PCP4: variants seen among roughly 807,000 people sequenced by gnomAD.
PCP4 encodes Purkinje cell protein 4.
A neutral mutation model predicts 10.0 loss-of-function variants in PCP4; 8 were observed. That is an observed-to-expected ratio of 0.80 (90% confidence interval 0.47 to 1.45). The LOEUF is 1.45. Ranked by LOEUF, PCP4 falls within the 40% of genes most tolerant of loss-of-function variation. The pLI, the probability that PCP4 is intolerant of heterozygous loss-of-function variation, is 0.00. For missense variants in PCP4, 54 were observed against 74.4 expected, an observed-to-expected ratio of 0.73 and a Z score of 1.01; for synonymous variants, 21 against 23.0, an observed-to-expected ratio of 0.91 and a Z score of 0.24.
At chr21:39,926,145 G>A (rs1448274742) in intron 2 of PCP4, 1 of 449,304 alleles carries the variant, frequency 2.2e-6, no homozygotes, top group Non-Finnish European at 4.5e-6. Context: ...CGCCGCCCCG[G>A]GAACTGGACT....
At chr21:39,899,185 A>G (rs527935910) in intron 2 of PCP4, among the ~76,000 whole-genome samples, 3 of 152,196 alleles carry the variant, frequency 2.0e-5, no homozygotes, top group African/African-American at 7.2e-5. Flanking sequence ...TGAAGGAAAT[A>G]GAGCCAGTTG....
intron 1 of PCP4, among the ~76,000 whole-genome samples, chr21:39,888,330 G>A (rs2087411000): frequency 1.3e-5 from 2 of 152,204 alleles, no homozygotes; most frequent in Non-Finnish European, 1.5e-5. Context: ...ATTTTAAAGA[G>A]GACTCAGGAA....
chr21:39,916,577 C>G (rs1161630174), intron 2 of PCP4, among the ~76,000 whole-genome samples: 7 of 152,162 alleles, frequency 4.6e-5, no homozygotes, highest in Admixed American at 4.6e-4. Flanking sequence ...GATCTAGAAG[C>G]AGAAATACCA....
chr21:39,921,220 T>C (rs551587417), intron 2 of PCP4, among the ~76,000 whole-genome samples: 2 of 152,308 alleles, frequency 1.3e-5, no homozygotes, highest in South Asian at 4.1e-4. Flanking sequence ...AGAGATGCTT[T>C]TCCCCCAGAG....
chr21:39,896,022 C>G (rs2087455332), intron 1 of PCP4, among the ~76,000 whole-genome samples: 1 of 152,214 alleles, frequency 6.6e-6, no homozygotes, highest in African/African-American at 2.4e-5. Context: ...AAATCACCTT[C>G]ATTGTGTCTC....
intron 2 of PCP4, among the ~76,000 whole-genome samples, chr21:39,925,320 G>C (rs772805253): frequency 3.9e-4 from 59 of 152,194 alleles, no homozygotes; most frequent in Non-Finnish European, 7.6e-4. Flanking sequence ...AAGTTAAATG[G>C]TTACCAAGGA....
At chr21:39,898,572 G>T (rs376912296) in intron 2 of PCP4, 45 bp downstream of exon 2, 607 of 1,476,984 alleles carry the variant, frequency 4.1e-4, no homozygotes, top group Non-Finnish European at 5.3e-4. Context: ...TTTGCCATCT[G>T]CAGCCCTGGG....
chr21:39,909,953 G>A (rs532329413), intron 2 of PCP4, among the ~76,000 whole-genome samples: 264 of 152,012 alleles, frequency 1.7e-3, no homozygotes, highest in African/African-American at 5.4e-3. Flanking sequence ...CCGCCACCAC[G>A]TCTGGCTAAT....
intron 1 of PCP4, among the ~76,000 whole-genome samples, chr21:39,893,296 T>C (rs1423609238): frequency 6.6e-6 from 1 of 152,208 alleles, no homozygotes; most frequent in Non-Finnish European, 1.5e-5. Context: ...TTCAAAAAAT[T>C]GTACCTTTAA....
chr21:39,885,283 T>G (rs923602433), intron 1 of PCP4, among the ~76,000 whole-genome samples: 1 of 152,114 alleles, frequency 6.6e-6, no homozygotes, highest in Non-Finnish European at 1.5e-5. Flanking sequence ...TATTCAACCA[T>G]GTAGTCCCAG....
chr21:39,914,456 C>A lies in PCP4; in HGVS notation c.62-14528C>A, dbSNP rs145028523. 1.0e-2 allele frequency among the ~76,000 whole-genome samples: 1,508 copies of A among 151,294 alleles called. 43 individuals carry two copies. The highest frequency in any genetic ancestry group is 0.035 in the African/African-American group (1,424 of 41,248). ...ATTAGCTGGGTGTGGTGGCGTGTGC[C>A]TATAATCTCAGCTACTCAGGAGGCT... On this transcript the variant is annotated intron_variant, in intron 2 of 2. Transcript: ENST00000328619.
chr21:39,917,021 G>T (rs1388361718), intron 2 of PCP4, among the ~76,000 whole-genome samples: 1 of 152,120 alleles, frequency 6.6e-6, no homozygotes, highest in Non-Finnish European at 1.5e-5. Context: ...CTGTGAAGCA[G>T]ATCACCATGG....
intron 2 of PCP4, among the ~76,000 whole-genome samples, chr21:39,924,220 T>G (rs570089917): frequency 6.6e-6 from 1 of 152,316 alleles, no homozygotes; most frequent in East Asian, 1.9e-4. Flanking sequence ...GGCCACGCCA[T>G]GCCCAGTACA....
At chr21:39,901,912 T>C (rs2087483841) in intron 2 of PCP4, among the ~76,000 whole-genome samples, 1 of 152,168 alleles carries the variant, frequency 6.6e-6, no homozygotes, top group African/African-American at 2.4e-5. Flanking sequence ...CCAAGAAAGA[T>C]GAGGGTAAAA....
intron 1 of PCP4, among the ~76,000 whole-genome samples, chr21:39,881,195 T>G (rs2146328405): frequency 6.6e-6 from 1 of 152,318 alleles, no homozygotes; most frequent in East Asian, 1.9e-4. Flanking sequence ...CTTCTACTGT[T>G]TTCTGAAGCT....
chr21:39,905,426 C>T (rs1011326539), intron 2 of PCP4, among the ~76,000 whole-genome samples: 2 of 152,150 alleles, frequency 1.3e-5, no homozygotes, highest in Admixed American at 1.3e-4. Context: ...GCTTATTAAG[C>T]CGGGCATTTA....
chr21:39,900,075 C>T (rs2087475627), intron 2 of PCP4, among the ~76,000 whole-genome samples: 1 of 152,162 alleles, frequency 6.6e-6, no homozygotes, highest in Non-Finnish European at 1.5e-5. Context: ...ACTCTTGTTG[C>T]CCAGGCTGGA....
At chr21:39,908,252 G>C (rs1463403933) in intron 2 of PCP4, among the ~76,000 whole-genome samples, 1 of 151,330 alleles carries the variant, frequency 6.6e-6, no homozygotes, top group Non-Finnish European at 1.5e-5. Flanking sequence ...GACATTCCTG[G>C]AGCGATGAGG....
chr21:39,924,980 G>A (rs1213221328), intron 2 of PCP4, among the ~76,000 whole-genome samples: 1 of 152,208 alleles, frequency 6.6e-6, no homozygotes, highest in Non-Finnish European at 1.5e-5. Context: ...CCAGGGGCAT[G>A]AGGGTACACC....
Sources: gnomAD v4.1 joint callset for allele counts (sites outside exome capture counted in the v4.1 genomes callset) on GRCh38, gnomAD v4.1.1 for gene constraint, MANE v1.5 for transcripts, NCBI Gene and HGNC (gene_info 2026-07-23, HGNC 2026-07-21) for gene names.